The following MORC1 variants were observed in gnomAD, a reference collection of about 807,000 sequenced individuals.
MORC1 encodes the protein MORC family CW-type zinc finger protein 1.
In MORC1, 59 loss-of-function variants were observed where a neutral mutation model predicts 134.9. That is an observed-to-expected ratio of 0.44 (90% CI 0.35 to 0.54). The LOEUF is 0.54. Among genes scored for constraint, MORC1 ranks in the 20% least tolerant of loss-of-function variants. The pLI, the probability that MORC1 is intolerant of heterozygous loss-of-function variation, is 0.00. For synonymous variants in MORC1, 395 were observed against 391.7 expected (o/e 1.01, Z -0.10); for missense variants, 947 against 1,134.5 (o/e 0.83, Z 2.37).
intron 20 of MORC1, among the ~76,000 whole-genome samples, chr3:109,001,917 T>C (rs901853025): frequency 6.6e-6 from 1 of 152,236 alleles, no homozygotes; most frequent in African/African-American, 2.4e-5. Flanking sequence ...AGTCACCTTC[T>C]ACAATTCCCA....
intron 8 of MORC1, among the ~76,000 whole-genome samples, chr3:109,077,101 A>C (rs1950438514): frequency 6.6e-6 from 1 of 152,226 alleles, no homozygotes; most frequent in South Asian, 2.1e-4. Flanking sequence ...TCAAGAAGTC[A>C]AAGAAGCAAA....
chr3:108,975,002 C>A (rs1196898025), intron 24 of MORC1, among the ~76,000 whole-genome samples: 1 of 152,178 alleles, frequency 6.6e-6, no homozygotes, highest in Admixed American at 6.5e-5. Context: ...AGCTAAGGGC[C>A]ATTTCCATTT....
intron 2 of MORC1, among the ~76,000 whole-genome samples, chr3:109,111,156 G>A (rs1456046918): frequency 1.3e-5 from 2 of 151,098 alleles, no homozygotes; most frequent in Non-Finnish European, 2.9e-5. Context: ...CAAATTACTA[G>A]GTAATAGTGT....
chr3:108,974,460 C>T (rs1947492542), intron 24 of MORC1, among the ~76,000 whole-genome samples: 1 of 152,188 alleles, frequency 6.6e-6, no homozygotes, highest in African/African-American at 2.4e-5. Flanking sequence ...TATCAAACCT[C>T]TCTCTATCCT....
At chr3:109,038,700 T>C (rs747722646) in intron 14 of MORC1, among the ~76,000 whole-genome samples, 2 of 152,194 alleles carry the variant, frequency 1.3e-5, no homozygotes, top group Non-Finnish European at 2.9e-5. Flanking sequence ...AGGGAATCCT[T>C]TCCCCATTTC....
intron 14 of MORC1, among the ~76,000 whole-genome samples, chr3:109,036,917 A>G (rs1267878241): frequency 2.0e-5 from 3 of 152,136 alleles, no homozygotes; most frequent in Admixed American, 6.5e-5. Context: ...AAGCAATTCC[A>G]TCTTAAATAC....
intron 6 of MORC1, among the ~76,000 whole-genome samples, chr3:109,098,199 C>T (rs535006491): frequency 6.6e-6 from 1 of 152,182 alleles, no homozygotes; most frequent in South Asian, 2.1e-4. Context: ...ATGCACTCCA[C>T]CGTGCCCAGC....
intron 27 of MORC1, among the ~76,000 whole-genome samples, chr3:108,960,446 T>G (rs1020130942): frequency 6.6e-6 from 1 of 152,140 alleles, no homozygotes; most frequent in Admixed American, 6.5e-5. Flanking sequence ...GCAAGTATGA[T>G]CTTGAAGACA....
At chr3:108,973,026 C>A (rs1479804811) in intron 24 of MORC1, among the ~76,000 whole-genome samples, 1 of 152,194 alleles carries the variant, frequency 6.6e-6, no homozygotes, top group Non-Finnish European at 1.5e-5. Flanking sequence ...CAGCAAACAT[C>A]ATCTATAGTC....
At chr3:108,959,235 T>C in intron 27 of MORC1, 115 bp from the exon 28 acceptor site, 2 of 807,048 alleles carry the variant, frequency 2.5e-6, no homozygotes, top group South Asian at 2.1e-5. Context: ...AAAAGCCACC[T>C]TACATTTGAA....
chr3:109,057,611 C>G, intron 12 of MORC1, 125 bp from the exon 13 acceptor site: 1 of 733,638 alleles, frequency 1.4e-6, no homozygotes, highest in Non-Finnish European at 2.0e-6. Context: ...TTTGCAAAAC[C>G]TGGTAGGCAC....
intron 14 of MORC1, among the ~76,000 whole-genome samples, chr3:109,040,107 AC>A (rs1949474129): frequency 6.6e-6 from 1 of 151,792 alleles, no homozygotes; most frequent in Non-Finnish European, 1.5e-5. Context: ...TTAAACAACA[AC>A]AACAACAAAA....
At chr3:109,108,668 CG>C (rs1351572793) in intron 3 of MORC1, among the ~76,000 whole-genome samples, 1 of 152,030 alleles carries the variant, frequency 6.6e-6, no homozygotes, top group East Asian at 1.9e-4. Context: ...GAGGCCGAGG[CG>C]GGCGGATCAC....
chr3:108,990,525 A>G (rs932206760), intron 21 of MORC1, among the ~76,000 whole-genome samples: 2 of 152,126 alleles, frequency 1.3e-5, no homozygotes, highest in Admixed American at 1.3e-4. Flanking sequence ...TCTACCTAAA[A>G]TTGCAACTCC....
intron 13 of MORC1, among the ~76,000 whole-genome samples, chr3:109,056,893 TA>T (rs1277490835): frequency 6.6e-6 from 1 of 152,222 alleles, no homozygotes; most frequent in Non-Finnish European, 1.5e-5. Flanking sequence ...TGTATTACGC[TA>T]AAATCCAAAT....
chr3:109,075,813 G>GT (rs11293841), intron 8 of MORC1, among the ~76,000 whole-genome samples: 6 of 151,522 alleles, frequency 4.0e-5, no homozygotes, highest in Admixed American at 6.6e-5. Context: ...ATTTAAAATA[G>GT]TTTTTTTTTT....
At chr3:108,987,969 G>A (rs1403420659) in intron 21 of MORC1, among the ~76,000 whole-genome samples, 3 of 152,004 alleles carry the variant, frequency 2.0e-5, no homozygotes, top group Non-Finnish European at 2.9e-5. Context: ...TGATACGCAC[G>A]CAACCATGTC....
chr3:109,060,697 G>T (rs1950060498), intron 11 of MORC1, among the ~76,000 whole-genome samples: 1 of 152,106 alleles, frequency 6.6e-6, no homozygotes, highest in African/African-American at 2.4e-5. Flanking sequence ...AGGTCATTCT[G>T]CTTTGCTCTC....
At chr3:109,034,396 C>T (rs1349785487) in intron 15 of MORC1, among the ~76,000 whole-genome samples, 4 of 152,140 alleles carry the variant, frequency 2.6e-5, no homozygotes, top group Non-Finnish European at 1.5e-5. Flanking sequence ...ACTCCCTGCC[C>T]CTTTGTGTAG....
Sources: allele counts gnomAD v4.1 joint callset (sites outside exome capture counted in the v4.1 genomes callset), GRCh38; gene constraint gnomAD v4.1.1; transcripts MANE v1.5; gene names NCBI Gene and HGNC (gene_info 2026-07-23, HGNC 2026-07-21).